HERC1: variants seen among roughly 807,000 people sequenced by gnomAD.
The protein encoded by HERC1 is HECT and RLD domain containing E3 ubiquitin protein ligase family member 1.
In HERC1, 160 loss-of-function variants were observed where a neutral mutation model predicts 554.3. The ratio of observed to expected loss-of-function variants is 0.29; its 90% CI spans 0.25 to 0.33. The LOEUF is 0.33. Among genes scored for constraint, HERC1 ranks in the 10% least tolerant of loss-of-function variants. The pLI is 1.00. For synonymous variants in HERC1, 2,175 were observed against 2,131.7 expected (o/e 1.02, Z -0.56); for missense variants, 4,919 against 5,918.5 (o/e 0.83, Z 5.54).
chr15:63,652,407 C>T lies in HERC1; in HGVS notation c.10418+7G>A, dbSNP rs2069742342. ...TTAAATGGTATACACGTGATGTTAG[C>T]ACTCACAATCTGTTGAACACACAGG... On this transcript the variant is annotated splice_region_variant and intron_variant, in intron 52 of 77. Coordinates refer to ENST00000443617, the MANE Select transcript of HERC1 (RefSeq NM_003922.4). The T allele has an allele frequency of 1.2e-6, 2 of 1,611,340 alleles. No homozygotes were observed. The highest frequency in any genetic ancestry group is 1.6e-4 in the Middle Eastern group (1 of 6,070).
In HERC1 at chr15:63,694,121, T is replaced by C. The variant is rs528623886; in HGVS notation, c.5517A>G (p.Gln1839=). 9.9e-6 allele frequency: 16 copies of C among 1,608,950 alleles called. No homozygotes were observed. The highest frequency in any genetic ancestry group is 3.3e-4 in the Middle Eastern group (2 of 6,058). The change falls in exon 30 of 78, where the codon CAA becomes CAG. Residue 1839 remains glutamine (Q), a synonymous_variant. Coordinates refer to ENST00000443617, the MANE Select transcript of HERC1 (RefSeq NM_003922.4). This position sits in a 1 kb window ranked among gnomAD's most constrained non-coding sequence, Gnocchi z 4.3. ...YADKLSPKVV[Q]SLLDLLCSQL... is the part of the protein sequence containing the mutation. ...GACTACAGAGTAGATCCAACAAGGATTGAACTACTTTGGGACTCAGTTTAT... is the reference window on the plus strand; with the variant it reads ...GACTACAGAGTAGATCCAACAAGGACTGAACTACTTTGGGACTCAGTTTAT...
intron 37 of HERC1, among the ~76,000 whole-genome samples, chr15:63,675,605 G>T (rs1405546219): frequency 2.0e-5 from 3 of 152,082 alleles, no homozygotes; most frequent in Non-Finnish European, 4.4e-5. Context: ...TTTATAAATG[G>T]TTACTTATAA....
chr15:63,703,933 G>A (rs567892824), intron 25 of HERC1, among the ~76,000 whole-genome samples: 8 of 148,174 alleles, frequency 5.4e-5, no homozygotes, highest in Non-Finnish European at 9.0e-5. Context: ...AAAAAAGAAA[G>A]AAAAAAAAAG....
At chr15:63,811,809 C>CAAAAAAAAAAAAAAAAAAACA (rs2077325006) in intron 1 of HERC1, among the ~76,000 whole-genome samples, 1 of 77,168 alleles carries the variant, frequency 1.3e-5, no homozygotes, top group Non-Finnish European at 2.5e-5. Flanking sequence ...ACTCCGTCTC[C>CAAAAAAAAAAAAAAAAAAACA]AAAAAAAAAA....
intron 12 of HERC1, among the ~76,000 whole-genome samples, chr15:63,743,936 G>A (rs2074930664): frequency 6.6e-6 from 1 of 151,944 alleles, no homozygotes; most frequent in Admixed American, 6.6e-5. Flanking sequence ...ATCCTTCTTG[G>A]GCTTTCCAGA....
chr15:63,673,950 C>G (rs2071066556), intron 38 of HERC1, among the ~76,000 whole-genome samples: 1 of 152,196 alleles, frequency 6.6e-6, no homozygotes, highest in South Asian at 2.1e-4. Context: ...GTCTAGAACT[C>G]CTGGCCTCAA....
At chr15:63,769,352 G>C (rs943886631) in intron 2 of HERC1, among the ~76,000 whole-genome samples, 1 of 152,064 alleles carries the variant, frequency 6.6e-6, no homozygotes, top group Non-Finnish European at 1.5e-5. Context: ...CCTGGGAGGC[G>C]GGAGCTGCAG....
chr15:63,676,895 G>T (rs2071239733), intron 37 of HERC1, among the ~76,000 whole-genome samples: 1 of 152,164 alleles, frequency 6.6e-6, no homozygotes, highest in South Asian at 2.1e-4. Flanking sequence ...ATTTTCAAAT[G>T]ATACAATTAT....
intron 34 of HERC1, among the ~76,000 whole-genome samples, chr15:63,681,112 T>C (rs1367948107): frequency 6.6e-6 from 1 of 152,236 alleles, no homozygotes; most frequent in Non-Finnish European, 1.5e-5. Context: ...AGATTTTAAC[T>C]ACTCTCTTGC....
chr15:63,747,353 A>G (rs925163362), intron 11 of HERC1, among the ~76,000 whole-genome samples: 2 of 152,028 alleles, frequency 1.3e-5, no homozygotes, highest in African/African-American at 4.8e-5. Context: ...CCAGCTACTC[A>G]GAAGGCTGAG....
Position 63,752,992 on chromosome 15 carries a change from C to T in HERC1, c.1868G>A (p.Ser623Asn). ...TGATGTCAAAGCAAGTGAAGACTGGCTCCCAGCACAAACTTTGCGAATGAA... is the reference window on the plus strand; with the variant it reads ...TGATGTCAAAGCAAGTGAAGACTGGTTCCCAGCACAAACTTTGCGAATGAA... ...GMFIRKVCAG[S>N]QSSLALTSTG... is the part of the protein sequence containing the mutation. The change falls in exon 8 of 78, where the codon AGC (serine) becomes AAC (asparagine). Residue 623 changes from serine to asparagine, a missense_variant. Around this residue, in one of 11 missense-constraint regions of HERC1, gnomAD observed 744 missense variants for 1,090.0 expected, o/e 0.68. Transcript: ENST00000443617. 6.2e-7 allele frequency: 1 copy of T among 1,613,674 alleles called. No homozygotes were observed. The highest frequency in any genetic ancestry group is 8.5e-7 in the Non-Finnish European group (1 of 1,179,696).
At chr15:63,822,309 G>A (rs184390734) in intron 1 of HERC1, among the ~76,000 whole-genome samples, 8 of 152,320 alleles carry the variant, frequency 5.3e-5, no homozygotes, top group Admixed American at 5.2e-4. Flanking sequence ...AAAATAGCCA[G>A]GTGCTGTGGC....
rs553088200 is a variant in HERC1, at chr15:63,638,629, A to T, written c.11967+82T>A. 2.5e-6 allele frequency: 4 copies of T among 1,582,754 alleles called. No individual in the cohort carries two copies. In the South Asian group the frequency reaches 4.4e-5, roughly 18 times the overall value. On this transcript the variant is annotated intron_variant, in intron 62 of 77. Coordinates refer to ENST00000443617, the MANE Select transcript of HERC1 (RefSeq NM_003922.4). ...AAGTGTGTGCCAGCCTGTATGGGAG[A>T]CACCAGGGCACAAACACACAAGCAT...
intron 12 of HERC1, among the ~76,000 whole-genome samples, chr15:63,741,503 G>T (rs2074804528): frequency 6.6e-6 from 1 of 151,942 alleles, no homozygotes; most frequent in South Asian, 2.1e-4. Context: ...AGTAGATACG[G>T]GGTTTCACCA....
At chr15:63,687,180 C>T (rs1444091434) in intron 33 of HERC1, among the ~76,000 whole-genome samples, 3 of 152,104 alleles carry the variant, frequency 2.0e-5, no homozygotes, top group Admixed American at 2.0e-4. Context: ...CATCATTTTA[C>T]CAAGGATATA....
At chr15:63,821,392 A>C (rs2077686520) in intron 1 of HERC1, among the ~76,000 whole-genome samples, 1 of 151,662 alleles carries the variant, frequency 6.6e-6, no homozygotes, top group Non-Finnish European at 1.5e-5. Flanking sequence ...ATCTCTACTA[A>C]AAACACACAA....
At chr15:63,827,146 T>C (rs1363557882) in intron 1 of HERC1, among the ~76,000 whole-genome samples, 1 of 152,050 alleles carries the variant, frequency 6.6e-6, no homozygotes, top group Non-Finnish European at 1.5e-5. Flanking sequence ...AAGAATAGGC[T>C]GGGTGCAGTG....
rs544687692 is a variant in HERC1 at position 63,688,229 on chromosome 15, G to A, written c.6048+1360C>T. Among the ~76,000 whole-genome samples the A allele has an allele frequency of 5.3e-5, 8 of 152,298 alleles. No homozygotes were observed. In the East Asian group the frequency reaches 1.5e-3, roughly 29 times the overall value. ...AATTCAAGTCACATTTTAAAGACGA[G>A]CCAACAGAATCTAGAGATTGTATGG... is the stretch of plus-strand genomic sequence containing the variant. On this transcript the variant is annotated intron_variant, in intron 33 of 77. Coordinates refer to ENST00000443617, the MANE Select transcript of HERC1 (RefSeq NM_003922.4).
chr15:63,726,136 G>A (rs531574112), intron 17 of HERC1, among the ~76,000 whole-genome samples: 21 of 152,026 alleles, frequency 1.4e-4, no homozygotes, highest in Admixed American at 5.9e-4. Context: ...TGTGCACCAC[G>A]GTGCCTGGCT....
Sources: gnomAD v4.1 joint callset for allele counts (sites outside exome capture counted in the v4.1 genomes callset) on GRCh38, gnomAD v4.1.1 for gene constraint, gnomAD v4.1.1 regional missense constraint, Gnocchi (gnomAD v3.1) non-coding constraint, MANE v1.5 for transcripts, NCBI Gene and HGNC (gene_info 2026-07-23, HGNC 2026-07-21) for gene names.